TBC1D5: variants seen among roughly 807,000 people sequenced by gnomAD.
TBC1D5 encodes the protein TBC1 domain family, member 5.
A neutral mutation model predicts 100.3 loss-of-function variants in TBC1D5; 75 were observed. The observed-to-expected ratio is 0.75, with a 90% CI of 0.62 to 0.91. The LOEUF (loss-of-function observed/expected upper bound fraction) is 0.91, where lower values mean the gene tolerates loss of function less well. Among genes scored for constraint, TBC1D5 ranks in the 40% least tolerant of loss-of-function variants. The probability of loss-of-function intolerance (pLI) is 0.00; values close to 1 mark genes in which losing one functional copy is unlikely to be tolerated. For synonymous variants in TBC1D5, 323 were observed against 325.6 expected (o/e 0.99, Z 0.09); for missense variants, 910 against 942.4 (o/e 0.97, Z 0.45).
chr3:17,727,961 GAACAT>G (rs1436709404), intron 1 of TBC1D5, among the ~76,000 whole-genome samples: 1 of 152,002 alleles, frequency 6.6e-6, no homozygotes, highest in Non-Finnish European at 1.5e-5. Flanking sequence ...TTCACTCTAA[GAACAT>G]AACAATATTT....
intron 3 of TBC1D5, among the ~76,000 whole-genome samples, chr3:17,442,826 T>C (rs928986831): frequency 6.6e-6 from 1 of 150,982 alleles, no homozygotes; most frequent in Non-Finnish European, 1.5e-5. Flanking sequence ...TGAACTTAAC[T>C]GGAACAGCAG....
At chr3:17,675,756 A>G (rs2068546873) in intron 1 of TBC1D5, among the ~76,000 whole-genome samples, 1 of 152,220 alleles carries the variant, frequency 6.6e-6, no homozygotes, top group Non-Finnish European at 1.5e-5. Flanking sequence ...TTTTTTAACC[A>G]AATCTTGTGC....
At chr3:17,292,123 T>G in intron 14 of TBC1D5, 122 bp from the exon 15 acceptor site, 1 of 787,914 alleles carries the variant, frequency 1.3e-6, no homozygotes, top group Non-Finnish European at 2.0e-6. Flanking sequence ...ACTGATTTGA[T>G]AAAAGGGAGT....
intron 13 of TBC1D5, among the ~76,000 whole-genome samples, chr3:17,310,775 T>C (rs2083934763): frequency 6.6e-6 from 1 of 152,056 alleles, no homozygotes; most frequent in South Asian, 2.1e-4. Flanking sequence ...GTTAATAAGT[T>C]GTACATGAGA....
intron 1 of TBC1D5, among the ~76,000 whole-genome samples, chr3:17,692,560 C>A (rs1008020117): frequency 6.6e-6 from 1 of 152,190 alleles, no homozygotes; most frequent in East Asian, 1.9e-4. Flanking sequence ...CAAAATACTT[C>A]TAAATCTACC....
intron 9 of TBC1D5, among the ~76,000 whole-genome samples, chr3:17,380,387 C>T (rs4582042): frequency 0.4 from 60,995 of 151,412 alleles, 12,893 homozygotes; most frequent in Middle Eastern, 0.47. Flanking sequence ...TTTGGTTTTG[C>T]TATCAATTCT....
In TBC1D5 at chr3:17,428,525, G is replaced by GA. The variant is rs777577854; in HGVS notation, c.98-7dup. 1.4e-5 allele frequency: 20 copies of GA among 1,469,884 alleles called. No individual in the cohort carries two copies. The African/African-American group carries it at 2.0e-4, about 15-fold the overall frequency. The allele number at this position is 1,469,884 out of a possible 1,614,324, so 91.1% of individuals were successfully genotyped here. A position where few individuals can be genotyped will look rare whatever the true frequency, so the allele number is the denominator to read the frequency against. On this transcript the variant is annotated splice_polypyrimidine_tract_variant and splice_region_variant and intron_variant, in intron 3 of 21. Transcript: ENST00000253692. The stretch of plus-strand genomic sequence containing the variant: ...TCCATTTTTATTTGAATCTCCTGGA[G>GA]AAAAAAATTACGACACTGAAATAAT...
intron 17 of TBC1D5, among the ~76,000 whole-genome samples, chr3:17,214,747 C>A (rs977728195): frequency 2.0e-5 from 3 of 151,920 alleles, no homozygotes; most frequent in Non-Finnish European, 4.4e-5. Context: ...TATTATACTG[C>A]ACTTTACATT....
chr3:17,723,989 C>T (rs1050330670), intron 1 of TBC1D5, among the ~76,000 whole-genome samples: 4 of 151,702 alleles, frequency 2.6e-5, no homozygotes, highest in African/African-American at 9.7e-5. Context: ...GAATATTTTC[C>T]AATTCTATCT....
chr3:17,573,044 T>C (rs2096636988), intron 2 of TBC1D5, among the ~76,000 whole-genome samples: 2 of 152,090 alleles, frequency 1.3e-5, no homozygotes, highest in African/African-American at 2.4e-5. Flanking sequence ...ACATATCTCT[T>C]ACAGTAACTC....
At chr3:17,517,425 A>G (rs1208430701) in intron 2 of TBC1D5, among the ~76,000 whole-genome samples, 2 of 152,252 alleles carry the variant, frequency 1.3e-5, no homozygotes, top group African/African-American at 2.4e-5. Context: ...AGAAGCAAGT[A>G]AACGTTATTG....
chr3:17,739,491 A>G (rs1334504391), exon 1 of TBC1D5: 1 of 152,174 alleles, frequency 6.6e-6, no homozygotes, highest in Non-Finnish European at 1.5e-5. Context: ...ACAAACACTA[A>G]ATCTACTACG....
chr3:17,621,953 A>G (rs2062693116), intron 2 of TBC1D5, among the ~76,000 whole-genome samples: 1 of 152,216 alleles, frequency 6.6e-6, no homozygotes, highest in African/African-American at 2.4e-5. Context: ...TCCAGCAAAC[A>G]CTAAGAACAG....
intron 1 of TBC1D5, among the ~76,000 whole-genome samples, chr3:17,641,743 T>C (rs2064530234): frequency 6.6e-6 from 1 of 152,158 alleles, no homozygotes; most frequent in Non-Finnish European, 1.5e-5. Context: ...TATTTGTGGC[T>C]GGTTCTAACT....
chr3:17,445,668 G>A (rs1321402092), intron 3 of TBC1D5, among the ~76,000 whole-genome samples: 1 of 152,046 alleles, frequency 6.6e-6, no homozygotes, highest in Non-Finnish European at 1.5e-5. Context: ...GTGATAAAAG[G>A]ATATTGTTAT....
chr3:17,175,072 T>C (rs1478651933), intron 19 of TBC1D5, among the ~76,000 whole-genome samples: 1 of 152,168 alleles, frequency 6.6e-6, no homozygotes, highest in Non-Finnish European at 1.5e-5. Flanking sequence ...TGAGAAGTGG[T>C]AGGGGCAGGT....
At chr3:17,584,892 G>C (rs190667231) in intron 2 of TBC1D5, among the ~76,000 whole-genome samples, 1 of 152,096 alleles carries the variant, frequency 6.6e-6, no homozygotes, top group African/African-American at 2.4e-5. Flanking sequence ...TCCTGACCTC[G>C]TATTTCACCC....
chr3:17,190,598 A>G (rs993999370), intron 18 of TBC1D5, among the ~76,000 whole-genome samples: 2 of 152,024 alleles, frequency 1.3e-5, no homozygotes, highest in African/African-American at 4.8e-5. Context: ...ACTTCACATA[A>G]TTATGTTTTC....
At chr3:17,479,679 A>C (rs1377494551) in intron 3 of TBC1D5, among the ~76,000 whole-genome samples, 1 of 152,166 alleles carries the variant, frequency 6.6e-6, no homozygotes. Flanking sequence ...TCTACAAAAA[A>C]ATTAAAAAAT....
Sources: gnomAD v4.1 joint callset for allele counts (sites outside exome capture counted in the v4.1 genomes callset) on GRCh38, gnomAD v4.1.1 for gene constraint, MANE v1.5 for transcripts, NCBI Gene and HGNC (gene_info 2026-07-23, HGNC 2026-07-21) for gene names.